The following PIK3C2G variants were observed in gnomAD, a reference collection of about 807,000 sequenced individuals.
The protein encoded by PIK3C2G is phosphatidylinositol 3-kinase C2 domain-containing subunit gamma.
A neutral mutation model predicts 181.1 loss-of-function variants in PIK3C2G; 168 were observed. The observed-to-expected ratio is 0.93, with a 90% CI of 0.82 to 1.05. The LOEUF (loss-of-function observed/expected upper bound fraction) is 1.05, where lower values mean the gene tolerates loss of function less well. PIK3C2G is among the 50% of genes least tolerant of loss of function. The probability of loss-of-function intolerance (pLI) is 0.00; values close to 1 mark genes in which losing one functional copy is unlikely to be tolerated. For missense variants in PIK3C2G, 1,869 were observed against 1,732.8 expected, an observed-to-expected ratio of 1.08 and a Z score of -1.40; for synonymous variants, 573 against 592.2, an observed-to-expected ratio of 0.97 and a Z score of 0.47.
chr12:18,368,226 G>A (rs184334646), intron 12 of PIK3C2G, among the ~76,000 whole-genome samples: 36 of 152,232 alleles, frequency 2.4e-4, no homozygotes, highest in Middle Eastern at 3.4e-3. Context: ...ACAAACCTGT[G>A]TATTAAATGC....
chr12:18,271,745 A>G (rs1948753796), intron 1 of PIK3C2G, among the ~76,000 whole-genome samples: 1 of 152,198 alleles, frequency 6.6e-6, no homozygotes, highest in African/African-American at 2.4e-5. Context: ...TCTTTAAAAA[A>G]GACTTATGGA....
chr12:18,338,663 CTGTGTGTGTGTG>C lies in PIK3C2G; in HGVS notation c.1395+150_1395+161del, dbSNP rs199613361. ...TTTCCGTGTGTATGTTTGTGTGTAT[CTGTGTGTGTGTG>C]TGTGTGTGTGTGTGTGTGTGTGTGT... On this transcript the variant is annotated intron_variant, in intron 9 of 32. Coordinates refer to ENST00000538779, the MANE Select transcript of PIK3C2G (RefSeq NM_001288772.2). 4.7e-3 allele frequency: 1,945 copies of C among 413,610 alleles called. 9 individuals carry two copies. The highest frequency in any genetic ancestry group is 0.015 in the African/African-American group (700 of 46,048). The allele number at this position is 413,610 out of a possible 1,614,324, so 25.6% of individuals were successfully genotyped here.
chr12:18,350,727 G>A (rs1380632557), intron 11 of PIK3C2G, among the ~76,000 whole-genome samples: 1 of 152,038 alleles, frequency 6.6e-6, no homozygotes, highest in Non-Finnish European at 1.5e-5. Flanking sequence ...CCAAATATTG[G>A]CATAAAGACC....
intron 18 of PIK3C2G, among the ~76,000 whole-genome samples, chr12:18,460,355 C>T (rs779867222): frequency 6.6e-6 from 1 of 151,796 alleles, no homozygotes; most frequent in African/African-American, 2.4e-5. Flanking sequence ...GGACGGATCA[C>T]GAGGTCAGGA....
chr12:18,701,469 A>C, the PIK3C2G span: 1 of 1,612,250 alleles, frequency 6.2e-7, no homozygotes, highest in Non-Finnish European at 8.5e-7. Flanking sequence ...CTTTCCAATC[A>C]CTTGTAAGAT....
At chr12:18,282,956 A>AT (rs71440362) in intron 2 of PIK3C2G, among the ~76,000 whole-genome samples, 197 bp downstream of exon 2, 46,650 of 151,736 alleles carry the variant, frequency 0.31, 7,505 homozygotes, top group African/African-American at 0.34. Flanking sequence ...TTAAAAAAAA[A>AT]ATCATCTATA....
At chr12:18,343,073 A>T (rs1241825074) in intron 9 of PIK3C2G, among the ~76,000 whole-genome samples, 1 of 152,082 alleles carries the variant, frequency 6.6e-6, no homozygotes, top group Non-Finnish European at 1.5e-5. Context: ...GAGCTTAGAC[A>T]ATCTGTTGTG....
At chr12:18,254,366 G>A (rs1296133197) in intron 1 of PIK3C2G, among the ~76,000 whole-genome samples, 1 of 151,988 alleles carries the variant, frequency 6.6e-6, no homozygotes, top group Non-Finnish European at 1.5e-5. Context: ...TAGGAATCTC[G>A]AAGATGTGAA....
intron 31 of PIK3C2G, among the ~76,000 whole-genome samples, chr12:18,638,951 C>CA (rs779064940): frequency 0.18 from 17,611 of 97,470 alleles, 1,506 homozygotes; most frequent in Middle Eastern, 0.33. Flanking sequence ...CTCTTCTCAC[C>CA]AAAAAAAAAA....
chr12:18,489,687 G>T (rs924163760), intron 19 of PIK3C2G, among the ~76,000 whole-genome samples: 2 of 152,098 alleles, frequency 1.3e-5, no homozygotes, highest in Non-Finnish European at 2.9e-5. Context: ...TTTTTTAAAC[G>T]TTACTACAAG....
chr12:18,654,267 G>A, the PIK3C2G span, among the ~76,000 whole-genome samples: 13 of 144,326 alleles, frequency 9.0e-5, no homozygotes, highest in Non-Finnish European at 1.3e-4. Flanking sequence ...TTTAGTTATT[G>A]CCATTTCCAA....
At chr12:18,438,476 T>C (rs1186999408) in intron 18 of PIK3C2G, among the ~76,000 whole-genome samples, 2 of 151,926 alleles carry the variant, frequency 1.3e-5, no homozygotes, top group African/African-American at 4.8e-5. Flanking sequence ...CAAGATTGTC[T>C]TATGGTACAC....
At chr12:18,312,506 G>A (rs1473267200) in intron 5 of PIK3C2G, among the ~76,000 whole-genome samples, 64 of 152,094 alleles carry the variant, frequency 4.2e-4, no homozygotes, top group Non-Finnish European at 8.1e-4. Context: ...AGAGGGAGAT[G>A]AAAGGACAGG....
At chr12:18,503,178 G>T (rs1358950956) in intron 22 of PIK3C2G, 103 bp from the exon 23 acceptor site, 3 of 717,672 alleles carry the variant, frequency 4.2e-6, no homozygotes, top group African/African-American at 3.7e-5. Flanking sequence ...GAAAAGGAAA[G>T]GGGTAATCCA....
intron 1 of PIK3C2G, among the ~76,000 whole-genome samples, chr12:18,249,252 C>T (rs1457476664): frequency 6.6e-6 from 1 of 151,974 alleles, no homozygotes; most frequent in Non-Finnish European, 1.5e-5. Flanking sequence ...ATGTTTTTGA[C>T]CTTTCAAAGG....
chr12:18,403,040 C>T (rs1474849869), intron 16 of PIK3C2G, among the ~76,000 whole-genome samples: 3 of 152,070 alleles, frequency 2.0e-5, no homozygotes, highest in African/African-American at 7.2e-5. Context: ...ATAATCTGAA[C>T]CATTCTGTTT....
intron 2 of PIK3C2G, among the ~76,000 whole-genome samples, chr12:18,283,097 T>C (rs963728269): frequency 6.6e-6 from 1 of 152,174 alleles, no homozygotes; most frequent in African/African-American, 2.4e-5. Flanking sequence ...TTTTGTTTAA[T>C]GCACATACAC....
At chr12:18,337,704 A>C (rs556723389) in intron 8 of PIK3C2G, among the ~76,000 whole-genome samples, 1 of 152,270 alleles carries the variant, frequency 6.6e-6, no homozygotes, top group Middle Eastern at 3.4e-3. Context: ...GACAGCACCA[A>C]GCCATTCAAG....
rs377455922 is a variant in PIK3C2G, at chr12:18,329,434, A to G, written c.1272+4336A>G. Among the ~76,000 whole-genome samples, 99 of 152,022 alleles carry G rather than the reference A, an allele frequency of 6.5e-4. No individual in the cohort carries two copies. In the South Asian group the frequency reaches 0.011, roughly 17 times the overall value. ...CTATTTGATGAAAAGGATTTTGTAG[A>G]CTTTCTTTATCATTTCATCACCAAA... is the stretch of plus-strand genomic sequence containing the variant. On this transcript the variant is annotated intron_variant, in intron 8 of 32. Transcript: ENST00000538779.
Sources: allele counts gnomAD v4.1 joint callset (sites outside exome capture counted in the v4.1 genomes callset), GRCh38; gene constraint gnomAD v4.1.1; transcripts MANE v1.5; gene names NCBI Gene and HGNC (gene_info 2026-07-23, HGNC 2026-07-21).